Variants in TMEM232 observed in about 807,000 individuals in gnomAD.
TMEM232 encodes the protein transmembrane protein 232.
TMEM232 carries 80 observed loss-of-function variants against 78.8 expected under a neutral mutation model. That is an observed-to-expected ratio of 1.01 (90% CI 0.85 to 1.22). The LOEUF is 1.22. Ranked by LOEUF, TMEM232 falls within the 50% of genes most tolerant of loss-of-function variation. TMEM232 has a pLI of 0.00. For synonymous variants in TMEM232, 297 were observed against 254.3 expected, an observed-to-expected ratio of 1.17 and a Z score of -1.60; for missense variants, 881 against 742.2, an observed-to-expected ratio of 1.19 and a Z score of -2.17.
intron 12 of TMEM232, among the ~76,000 whole-genome samples, chr5:110,447,018 G>A (rs921268800): frequency 2.0e-5 from 3 of 151,844 alleles, no homozygotes; most frequent in African/African-American, 7.3e-5. Flanking sequence ...ATGCTCATAT[G>A]AAAGCAGGCA....
At chr5:110,512,829 T>G (rs1767980653) in intron 12 of TMEM232, among the ~76,000 whole-genome samples, 1 of 152,194 alleles carries the variant, frequency 6.6e-6, no homozygotes, top group Non-Finnish European at 1.5e-5. Flanking sequence ...CCCAAAGTGC[T>G]GTCATTTTAA....
intron 1 of TMEM232, among the ~76,000 whole-genome samples, chr5:110,714,223 C>T (rs892638275): frequency 5.3e-5 from 8 of 152,122 alleles, no homozygotes; most frequent in South Asian, 2.1e-4. Flanking sequence ...TTCATTGACA[C>T]GTACTGATTA....
chr5:110,667,063 T>C lies in TMEM232; in HGVS notation c.125+165A>G, dbSNP rs530400568. Among the ~76,000 whole-genome samples the C allele has an allele frequency of 7.6e-4, 115 of 152,146 alleles. 1 individual carries two copies. In the South Asian group the frequency reaches 0.013, roughly 18 times the overall value. ...AAACAAAACGTGTAGAATTCAAAAT[T>C]TTAGAAAGCACATAATTACAATAAA... On this transcript the variant is annotated intron_variant, in intron 2 of 13. Coordinates refer to ENST00000455884, the MANE Select transcript of TMEM232 (RefSeq NM_001039763.4).
chr5:110,687,700 CTCTG>C (rs1009983079), intron 1 of TMEM232, among the ~76,000 whole-genome samples: 1 of 152,056 alleles, frequency 6.6e-6, no homozygotes, highest in African/African-American at 2.4e-5. Flanking sequence ...TTGTCTCTCT[CTCTG>C]TCTCTCCCTC....
chr5:110,543,381 C>T (rs779543309), intron 11 of TMEM232, among the ~76,000 whole-genome samples: 1 of 152,150 alleles, frequency 6.6e-6, no homozygotes, highest in African/African-American at 2.4e-5. Context: ...TCTCAAATTT[C>T]AGTCAAATGT....
At chr5:110,479,984 T>G (rs1007440811) in intron 12 of TMEM232, among the ~76,000 whole-genome samples, 1 of 151,898 alleles carries the variant, frequency 6.6e-6, no homozygotes, top group East Asian at 1.9e-4. Flanking sequence ...TTTTTCCTCC[T>G]GTAAATATGT....
chr5:110,409,456 G>A (rs1028684590), intron 2 of TMEM232, among the ~76,000 whole-genome samples: 2 of 152,140 alleles, frequency 1.3e-5, no homozygotes, highest in African/African-American at 4.8e-5. Context: ...ATCAATTATG[G>A]GAAACATCTC....
At chr5:110,683,680 T>C (rs573896516) in intron 1 of TMEM232, among the ~76,000 whole-genome samples, 2 of 152,034 alleles carry the variant, frequency 1.3e-5, no homozygotes, top group South Asian at 4.1e-4. Flanking sequence ...AATCTTATTA[T>C]ATTCTATACA....
intron 12 of TMEM232, chr5:110,430,246 A>T (rs184694779): frequency 1.3e-5 from 2 of 151,756 alleles, no homozygotes; most frequent in South Asian, 4.1e-4. Context: ...CTAAGAGCTT[A>T]TTGCTCAAAG....
intron 2 of TMEM232, among the ~76,000 whole-genome samples, chr5:110,648,600 T>C (rs1017489566): frequency 3.3e-5 from 5 of 152,096 alleles, no homozygotes; most frequent in African/African-American, 9.7e-5. Flanking sequence ...GCTTGGGTTA[T>C]TTTCTAATTC....
intron 11 of TMEM232, among the ~76,000 whole-genome samples, chr5:110,556,963 T>C (rs1775161082): frequency 6.6e-6 from 1 of 152,152 alleles, no homozygotes; most frequent in Non-Finnish European, 1.5e-5. Flanking sequence ...TCTTCAAATA[T>C]GTTTTCCAAG....
chr5:110,591,435 T>C (rs1779516554), intron 10 of TMEM232, among the ~76,000 whole-genome samples: 1 of 152,158 alleles, frequency 6.6e-6, no homozygotes, highest in Non-Finnish European at 1.5e-5. Context: ...TAAAGTAAGA[T>C]TCCTCCAGAT....
intron 10 of TMEM232, among the ~76,000 whole-genome samples, chr5:110,586,371 T>C (rs1172803560): frequency 6.6e-6 from 1 of 152,166 alleles, no homozygotes; most frequent in Non-Finnish European, 1.5e-5. Context: ...TACTGTGCTC[T>C]ATTTTCTCCT....
chr5:110,676,849 C>A (rs1792093557), intron 1 of TMEM232, among the ~76,000 whole-genome samples: 1 of 151,948 alleles, frequency 6.6e-6, no homozygotes, highest in Non-Finnish European at 1.5e-5. Flanking sequence ...ACCTCCACCT[C>A]CCCGGTTCGA....
rs1444967315 is a variant in TMEM232, at chr5:110,665,745, T to C, written c.125+1483A>G. Among the ~76,000 whole-genome samples, 4 of 152,012 alleles carry C rather than the reference T, an allele frequency of 2.6e-5. No individual in the cohort carries two copies. In the East Asian group the frequency reaches 7.7e-4, roughly 29 times the overall value. On this transcript the variant is annotated intron_variant, in intron 2 of 13. Coordinates refer to ENST00000455884, the MANE Select transcript of TMEM232 (RefSeq NM_001039763.4). ...ATCAGTCCCCACTAATGCAGACTTA[T>C]ACTATACATGAGCATATTTTAAAAC...
At chr5:110,463,644 T>C (rs1031387029) in intron 12 of TMEM232, among the ~76,000 whole-genome samples, 1 of 152,228 alleles carries the variant, frequency 6.6e-6, no homozygotes, top group African/African-American at 2.4e-5. Flanking sequence ...AGTTAAATGG[T>C]ACAATTCTCT....
At chr5:110,647,815 T>A (rs1311424956) in intron 2 of TMEM232, among the ~76,000 whole-genome samples, 1 of 152,000 alleles carries the variant, frequency 6.6e-6, no homozygotes, top group Non-Finnish European at 1.5e-5. Context: ...AACAGCCTTA[T>A]ACACTGATCT....
downstream of TMEM232, among the ~76,000 whole-genome samples, chr5:110,417,292 ATCTTTC>A (rs1561464995): frequency 6.6e-6 from 1 of 152,200 alleles, no homozygotes; most frequent in Non-Finnish European, 1.5e-5. Flanking sequence ...GACATGTAGA[ATCTTTC>A]TCTTTCTCTA....
intron 1 of TMEM232, among the ~76,000 whole-genome samples, chr5:110,671,065 G>C (rs914330862): frequency 2.6e-5 from 4 of 151,920 alleles, no homozygotes; most frequent in Non-Finnish European, 5.9e-5. Context: ...ACCGATGAAA[G>C]ACTTCATGAC....
Sources: allele counts gnomAD v4.1 joint callset (sites outside exome capture counted in the v4.1 genomes callset), GRCh38; gene constraint gnomAD v4.1.1; transcripts MANE v1.5; gene names NCBI Gene and HGNC (gene_info 2026-07-23, HGNC 2026-07-21).